ANO6: variants seen among roughly 807,000 people sequenced by gnomAD.
ANO6 encodes anoctamin 6.
A neutral mutation model predicts 117.5 loss-of-function variants in ANO6; 106 were observed. The observed-to-expected ratio is 0.90, with a 90% CI of 0.77 to 1.06. The LOEUF is 1.06. Among genes scored for constraint, ANO6 ranks in the 50% least tolerant of loss-of-function variants. The pLI, the probability that ANO6 is intolerant of heterozygous loss-of-function variation, is 0.00. For synonymous variants in ANO6, 367 were observed against 385.1 expected, an observed-to-expected ratio of 0.95 and a Z score of 0.55; for missense variants, 955 against 1,121.1, an observed-to-expected ratio of 0.85 and a Z score of 2.12.
At chr12:45,272,294 G>T (rs986518876) in intron 1 of ANO6, among the ~76,000 whole-genome samples, 1 of 151,648 alleles carries the variant, frequency 6.6e-6, no homozygotes, top group Admixed American at 6.6e-5. Flanking sequence ...GCTCAGCAGT[G>T]CATTCTGGAA....
At chr12:45,229,163 C>G (rs188141633) in intron 1 of ANO6, among the ~76,000 whole-genome samples, 88 of 152,218 alleles carry the variant, frequency 5.8e-4, no homozygotes, top group African/African-American at 2.0e-3. Context: ...AAAGGATACT[C>G]TTCTCTGTGG....
chr12:45,407,060 G>T (rs1942953514), intron 15 of ANO6, among the ~76,000 whole-genome samples: 2 of 152,092 alleles, frequency 1.3e-5, no homozygotes, highest in African/African-American at 4.8e-5. Context: ...AAGTTCTGTG[G>T]GTGATTCTCA....
At chr12:45,320,452 G>A (rs1313822375) in intron 2 of ANO6, among the ~76,000 whole-genome samples, 2 of 152,096 alleles carry the variant, frequency 1.3e-5, no homozygotes, top group Non-Finnish European at 2.9e-5. Flanking sequence ...TTAATCCTGA[G>A]TTCTAATTTG....
intron 1 of ANO6, among the ~76,000 whole-genome samples, chr12:45,276,464 T>G (rs1197201297): frequency 6.6e-6 from 1 of 152,154 alleles, no homozygotes; most frequent in Non-Finnish European, 1.5e-5. Flanking sequence ...ACTTTCTGCT[T>G]CAGAACTATG....
chr12:45,365,554 G>C (rs192359626), intron 8 of ANO6, among the ~76,000 whole-genome samples: 150 of 152,282 alleles, frequency 9.9e-4, no homozygotes, highest in Non-Finnish European at 1.9e-3. Context: ...GAGCTTTTTG[G>C]GGGAGCTGCT....
intron 1 of ANO6, among the ~76,000 whole-genome samples, chr12:45,241,281 T>C (rs1947739192): frequency 6.6e-6 from 1 of 152,236 alleles, no homozygotes; most frequent in Non-Finnish European, 1.5e-5. Flanking sequence ...TCTTGTCTTC[T>C]TGCTTTATTT....
At chr12:45,270,319 G>A (rs1938352275) in intron 1 of ANO6, 2 of 1,186,428 alleles carry the variant, frequency 1.7e-6, no homozygotes, top group Non-Finnish European at 2.1e-6. Context: ...GAAAATGAGA[G>A]CAAAAATGGT....
At chr12:45,438,302 AC>A (rs1360982300) in intron 19 of ANO6, among the ~76,000 whole-genome samples, 1 of 152,050 alleles carries the variant, frequency 6.6e-6, no homozygotes, top group East Asian at 1.9e-4. Context: ...AGATATATAT[AC>A]ACACATATAT....
At chr12:45,237,955 G>A (rs1360933723) in intron 1 of ANO6, among the ~76,000 whole-genome samples, 3 of 152,012 alleles carry the variant, frequency 2.0e-5, no homozygotes, top group East Asian at 3.9e-4. Flanking sequence ...TTGTAAGTTG[G>A]ATTCCTAGCT....
intron 1 of ANO6, among the ~76,000 whole-genome samples, chr12:45,300,191 T>C (rs1939434152): frequency 6.6e-6 from 1 of 152,172 alleles, no homozygotes; most frequent in East Asian, 1.9e-4. Flanking sequence ...TATTTATTTC[T>C]TTCTTTTTGA....
At chr12:45,341,727 G>T (rs1940983530) in intron 3 of ANO6, among the ~76,000 whole-genome samples, 1 of 152,226 alleles carries the variant, frequency 6.6e-6, no homozygotes, top group South Asian at 2.1e-4. Flanking sequence ...GTGTCCCACT[G>T]CAGGGACGAA....
chr12:45,290,645 A>G (rs1939063770), intron 1 of ANO6, among the ~76,000 whole-genome samples: 2 of 152,238 alleles, frequency 1.3e-5, no homozygotes, highest in Non-Finnish European at 2.9e-5. Flanking sequence ...CCATTTATAG[A>G]ATATCAGCTG....
At chr12:45,387,286 C>CT (rs1276103550) in intron 10 of ANO6, among the ~76,000 whole-genome samples, 4 of 152,020 alleles carry the variant, frequency 2.6e-5, no homozygotes, top group African/African-American at 9.7e-5. Flanking sequence ...AAAATGATTC[C>CT]TAAAAAATTA....
chr12:45,333,570 A>G (rs1004988069), intron 3 of ANO6, among the ~76,000 whole-genome samples: 1 of 152,072 alleles, frequency 6.6e-6, no homozygotes, highest in Non-Finnish European at 1.5e-5. Context: ...ATAGGTCCCA[A>G]GGTAACTCTC....
intron 1 of ANO6, among the ~76,000 whole-genome samples, chr12:45,294,055 AAC>A (rs1172896813): frequency 4.9e-4 from 75 of 152,162 alleles, no homozygotes; most frequent in Admixed American, 2.8e-3. Context: ...AAGAAAGAGT[AAC>A]ACAGGGGATA....
At chr12:45,376,799 A>G (rs1169479577) in intron 9 of ANO6, among the ~76,000 whole-genome samples, 2 of 151,950 alleles carry the variant, frequency 1.3e-5, no homozygotes, top group Admixed American at 6.6e-5. Flanking sequence ...ACATGTATAC[A>G]TATGTAACTA....
intron 12 of ANO6, among the ~76,000 whole-genome samples, chr12:45,390,784 T>C (rs1419781833): frequency 6.6e-6 from 1 of 152,146 alleles, no homozygotes; most frequent in Non-Finnish European, 1.5e-5. Context: ...GAAGACCAAA[T>C]GGAAGGCATT....
chr12:45,403,793 C>G (rs970390849), intron 15 of ANO6, among the ~76,000 whole-genome samples: 4 of 152,196 alleles, frequency 2.6e-5, no homozygotes, highest in Non-Finnish European at 1.5e-5. Context: ...TTTATACCTA[C>G]TGGGCTATTG....
At chr12:45,265,607 A>C (rs1477577097) in intron 1 of ANO6, among the ~76,000 whole-genome samples, 2 of 152,124 alleles carry the variant, frequency 1.3e-5, no homozygotes, top group East Asian at 3.8e-4. Flanking sequence ...GGAAGCTGAG[A>C]CTTTACCCAG....
Sources: gnomAD v4.1 joint callset for allele counts (sites outside exome capture counted in the v4.1 genomes callset) on GRCh38, gnomAD v4.1.1 for gene constraint, MANE v1.5 for transcripts, NCBI Gene and HGNC (gene_info 2026-07-23, HGNC 2026-07-21) for gene names.